UBE2G1: variants seen among roughly 807,000 people sequenced by gnomAD.
UBE2G1 encodes the protein ubiquitin conjugating enzyme E2 G1.
In UBE2G1, 5 loss-of-function variants were observed where a neutral mutation model predicts 22.7. The observed-to-expected ratio is 0.22, with a 90% CI of 0.12 to 0.46. UBE2G1 has a LOEUF of 0.46. UBE2G1 is among the 20% of genes least tolerant of loss of function. The pLI is 0.99. For synonymous variants in UBE2G1, 74 were observed against 67.5 expected, an observed-to-expected ratio of 1.10 and a Z score of -0.47; for missense variants, 88 against 203.9, an observed-to-expected ratio of 0.43 and a Z score of 3.46.
intron 3 of UBE2G1, among the ~76,000 whole-genome samples, chr17:4,291,358 C>CAAAAAA (rs377584623): frequency 8.5e-6 from 1 of 118,028 alleles, no homozygotes; most frequent in Admixed American, 9.5e-5. Context: ...AACTCCATCT[C>CAAAAAA]AAAAAAAAAA....
At position 4,307,234 on chromosome 17, in the gene UBE2G1, T is replaced by C. The variant is rs558142938; in HGVS notation, c.47-111A>G. 13 of 893,680 alleles carry C rather than the reference T, an allele frequency of 1.5e-5. No homozygotes were observed. The East Asian group carries it at 1.9e-4, about 13-fold the overall frequency. The allele number at this position is 893,680 out of a possible 1,614,324, so 55.4% of individuals were successfully genotyped here. On this transcript the variant is annotated intron_variant, in intron 1 of 5. Transcript: ENST00000396981. ...TTTATGTAAGTTTTAAACCATTAAA[T>C]AGATATACCTTGCCAGGCAAAATGC...
chr17:4,301,015 T>C (rs1969172023), intron 2 of UBE2G1, among the ~76,000 whole-genome samples: 1 of 152,014 alleles, frequency 6.6e-6, no homozygotes, highest in Non-Finnish European at 1.5e-5. Context: ...CCTAGTTCAA[T>C]TTTTTTCCAT....
At chr17:4,276,999 G>A (rs910330039) in intron 5 of UBE2G1, among the ~76,000 whole-genome samples, 1 of 152,162 alleles carries the variant, frequency 6.6e-6, no homozygotes, top group East Asian at 1.9e-4. Context: ...ATTCCTACAG[G>A]GGAACTCAGC....
At chr17:4,308,139 A>C (rs1969268341) in intron 1 of UBE2G1, among the ~76,000 whole-genome samples, 2 of 152,184 alleles carry the variant, frequency 1.3e-5, no homozygotes, top group Non-Finnish European at 2.9e-5. Flanking sequence ...GGACCACCTG[A>C]GGTCGAGAGT....
chr17:4,300,061 C>G (rs1969157263), intron 2 of UBE2G1, among the ~76,000 whole-genome samples: 1 of 144,512 alleles, frequency 6.9e-6, no homozygotes, highest in Non-Finnish European at 1.5e-5. Context: ...TCCTGACCTT[C>G]TGAGCCACCG....
chr17:4,353,044 C>T (rs992547674), intron 1 of UBE2G1, among the ~76,000 whole-genome samples: 1 of 152,084 alleles, frequency 6.6e-6, no homozygotes, highest in African/African-American at 2.4e-5. Flanking sequence ...CAGTGAAACC[C>T]CGTCTCTACT....
chr17:4,363,514 G>A (rs760445990), intron 1 of UBE2G1, among the ~76,000 whole-genome samples: 3 of 152,164 alleles, frequency 2.0e-5, no homozygotes, highest in Non-Finnish European at 4.4e-5. Context: ...GGAACCAGAT[G>A]ACCATCAAAA....
chr17:4,338,870 A>G (rs919878996), intron 1 of UBE2G1, among the ~76,000 whole-genome samples: 16 of 152,184 alleles, frequency 1.1e-4, no homozygotes, highest in Non-Finnish European at 2.2e-4. Flanking sequence ...CAGCGGCTAG[A>G]TAACCAAGGA....
chr17:4,278,222 A>G (rs911349185), intron 5 of UBE2G1, among the ~76,000 whole-genome samples: 9 of 152,374 alleles, frequency 5.9e-5, no homozygotes, highest in Admixed American at 2.6e-4. Flanking sequence ...TTTCCATGGT[A>G]TAAAGCCTTA....
intron 1 of UBE2G1, among the ~76,000 whole-genome samples, chr17:4,349,918 C>A (rs1969824861): frequency 6.6e-6 from 1 of 151,808 alleles, no homozygotes; most frequent in South Asian, 2.1e-4. Context: ...TTCACAATAC[C>A]CAAAATGAGT....
chr17:4,294,668 T>C (rs1192686495), intron 3 of UBE2G1, among the ~76,000 whole-genome samples: 4 of 151,994 alleles, frequency 2.6e-5, no homozygotes, highest in Non-Finnish European at 5.9e-5. Context: ...TCCCAGTACT[T>C]TGGGAGGACA....
intron 2 of UBE2G1, among the ~76,000 whole-genome samples, chr17:4,303,098 C>T (rs1376196165): frequency 6.6e-6 from 1 of 152,142 alleles, no homozygotes; most frequent in East Asian, 1.9e-4. Flanking sequence ...CAGACATTCC[C>T]TTTCCTGGTA....
At chr17:4,349,715 C>A (rs1037424648) in intron 1 of UBE2G1, among the ~76,000 whole-genome samples, 3 of 151,142 alleles carry the variant, frequency 2.0e-5, no homozygotes, top group Non-Finnish European at 4.4e-5. Flanking sequence ...TGGTGGCATG[C>A]ACCAGTAGTC....
chr17:4,312,715 A>T (rs2875767), intron 1 of UBE2G1, among the ~76,000 whole-genome samples: 1 of 132,688 alleles, frequency 7.5e-6, no homozygotes, highest in Non-Finnish European at 1.7e-5. Context: ...AAAAAAAAAA[A>T]CAAAAGCCAA....
At chr17:4,286,195 AG>A (rs1223885893) in intron 4 of UBE2G1, among the ~76,000 whole-genome samples, 1 of 152,188 alleles carries the variant, frequency 6.6e-6, no homozygotes, top group African/African-American at 2.4e-5. Context: ...ACCTGAGGTC[AG>A]GAGTTTGAGA....
At chr17:4,280,900 T>C (rs1598178454) in intron 5 of UBE2G1, among the ~76,000 whole-genome samples, 1 of 152,302 alleles carries the variant, frequency 6.6e-6, no homozygotes, top group South Asian at 2.1e-4. Context: ...CCCAAAGTGC[T>C]GGGATTACAG....
At chr17:4,356,483 C>T (rs1969907957) in intron 1 of UBE2G1, among the ~76,000 whole-genome samples, 3 of 152,246 alleles carry the variant, frequency 2.0e-5, no homozygotes. Flanking sequence ...AATACAACGG[C>T]ATATAAGGGC....
At chr17:4,280,445 C>T (rs1192865525) in intron 5 of UBE2G1, among the ~76,000 whole-genome samples, 1 of 139,402 alleles carries the variant, frequency 7.2e-6, no homozygotes, top group Non-Finnish European at 1.5e-5. Flanking sequence ...CTCCTGGGTT[C>T]AAGTGATTCT....
intron 1 of UBE2G1, among the ~76,000 whole-genome samples, chr17:4,307,646 G>A (rs1969262701): frequency 3.3e-5 from 5 of 152,190 alleles, no homozygotes; most frequent in African/African-American, 1.2e-4. Flanking sequence ...GCTCCTGTGT[G>A]CCCATCCATC....
Sources: allele counts gnomAD v4.1 joint callset (sites outside exome capture counted in the v4.1 genomes callset), GRCh38; gene constraint gnomAD v4.1.1; transcripts MANE v1.5; gene names NCBI Gene and HGNC (gene_info 2026-07-23, HGNC 2026-07-21).